Variants in MED13L observed in about 807,000 individuals in gnomAD.
MED13L encodes mediator of RNA polymerase II transcription subunit 13-like.
In MED13L, 7 loss-of-function variants were observed where a neutral mutation model predicts 220.9. The ratio of observed to expected loss-of-function variants is 0.03; its 90% CI spans 0.02 to 0.06. The LOEUF is 0.06. Ranked by LOEUF, MED13L falls within the 10% of genes least tolerant of loss-of-function variation. The probability of loss-of-function intolerance (pLI) is 1.00; values close to 1 mark genes in which losing one functional copy is unlikely to be tolerated. For missense variants in MED13L, 1,965 were observed against 2,760.5 expected, an observed-to-expected ratio of 0.71 and a Z score of 6.46; for synonymous variants, 1,011 against 1,015.2, an observed-to-expected ratio of 1.00 and a Z score of 0.08.
intron 2 of MED13L, among the ~76,000 whole-genome samples, chr12:116,218,765 GCT>G (rs1565933969): frequency 6.6e-6 from 1 of 151,044 alleles, no homozygotes; most frequent in Admixed American, 6.6e-5. Context: ...ACAAGGTCTT[GCT>G]CTGTCACCCA....
chr12:116,262,965 C>T (rs1872608961), intron 1 of MED13L, among the ~76,000 whole-genome samples: 2 of 152,178 alleles, frequency 1.3e-5, no homozygotes, highest in East Asian at 3.8e-4. Flanking sequence ...CAGATGATTA[C>T]ACTTTTCAAG....
chr12:116,107,960 C>T (rs1175061471), intron 3 of MED13L, among the ~76,000 whole-genome samples: 4 of 152,042 alleles, frequency 2.6e-5, no homozygotes, highest in Admixed American at 1.3e-4. Context: ...CATGGTGGCA[C>T]GTGCCTGTAG....
chr12:116,140,805 G>A (rs1467189010), intron 2 of MED13L, among the ~76,000 whole-genome samples: 25 of 152,140 alleles, frequency 1.6e-4, no homozygotes, highest in Admixed American at 1.6e-3. Context: ...ATTTATCTTA[G>A]GGAGGCTTCT....
intron 5 of MED13L, among the ~76,000 whole-genome samples, chr12:116,021,541 T>C (rs1880060092): frequency 6.6e-6 from 1 of 152,150 alleles, no homozygotes; most frequent in Admixed American, 6.5e-5. Flanking sequence ...TTTCATTGAA[T>C]TAAATCAGAA....
chr12:115,997,438 G>A (rs888948420), intron 14 of MED13L, among the ~76,000 whole-genome samples: 1 of 152,082 alleles, frequency 6.6e-6, no homozygotes, highest in African/African-American at 2.4e-5. Flanking sequence ...GTTTTGTTTC[G>A]TGAGACAAAG....
At chr12:116,248,517 G>C (rs1289119187) in intron 1 of MED13L, among the ~76,000 whole-genome samples, 2 of 152,066 alleles carry the variant, frequency 1.3e-5, no homozygotes, top group Admixed American at 6.6e-5. Flanking sequence ...TGAAATAAGA[G>C]TCTCAAGGAT....
intron 4 of MED13L, among the ~76,000 whole-genome samples, chr12:116,063,277 C>T (rs764664097): frequency 9.2e-5 from 14 of 152,138 alleles, no homozygotes; most frequent in Non-Finnish European, 1.6e-4. Context: ...TGTTTTGGGC[C>T]AGTGCAGAGG....
intron 2 of MED13L, among the ~76,000 whole-genome samples, chr12:116,209,942 C>A (rs561926032): frequency 6.6e-6 from 1 of 152,272 alleles, no homozygotes; most frequent in Non-Finnish European, 1.5e-5. Flanking sequence ...TTGAAATATT[C>A]TTCTAAAAGT....
intron 3 of MED13L, among the ~76,000 whole-genome samples, chr12:116,105,805 C>T (rs1873520402): frequency 1.3e-5 from 2 of 152,166 alleles, no homozygotes; most frequent in Admixed American, 1.3e-4. Context: ...CCCTTCCTGT[C>T]CCACTGATAT....
intron 4 of MED13L, among the ~76,000 whole-genome samples, chr12:116,048,404 G>C (rs1220665604): frequency 6.6e-6 from 1 of 152,150 alleles, no homozygotes; most frequent in Non-Finnish European, 1.5e-5. Flanking sequence ...CATCAAGGAA[G>C]AGCCAGGGTA....
At chr12:116,231,589 G>GA (rs1316161526) in intron 2 of MED13L, among the ~76,000 whole-genome samples, 1 of 152,110 alleles carries the variant, frequency 6.6e-6, no homozygotes, top group African/African-American at 2.4e-5. Context: ...CAGAGAGAGA[G>GA]AAAACTATAA....
At chr12:116,234,595 A>G (rs1869894180) in intron 2 of MED13L, among the ~76,000 whole-genome samples, 1 of 152,126 alleles carries the variant, frequency 6.6e-6, no homozygotes, top group Non-Finnish European at 1.5e-5. Flanking sequence ...TATTTAAAAA[A>G]TGTTACAAAT....
intron 4 of MED13L, among the ~76,000 whole-genome samples, chr12:116,066,125 A>G (rs1869904650): frequency 6.6e-6 from 1 of 152,256 alleles, no homozygotes; most frequent in Admixed American, 6.5e-5. Context: ...ATACACACAC[A>G]CACGTGTGCA....
intron 2 of MED13L, among the ~76,000 whole-genome samples, chr12:116,181,626 G>A (rs1415277682): frequency 6.6e-6 from 1 of 152,096 alleles, no homozygotes; most frequent in Non-Finnish European, 1.5e-5. Context: ...TCCTGTCTCA[G>A]CCTCCGGAGC....
At chr12:116,013,394 C>T (rs1164245627) in intron 8 of MED13L, among the ~76,000 whole-genome samples, 1 of 152,174 alleles carries the variant, frequency 6.6e-6, no homozygotes, top group Non-Finnish European at 1.5e-5. Context: ...GTTCAATGTA[C>T]ACAAACTTTG....
chr12:116,064,140 G>C (rs990970606), intron 4 of MED13L, among the ~76,000 whole-genome samples: 1 of 151,588 alleles, frequency 6.6e-6, no homozygotes, highest in Non-Finnish European at 1.5e-5. Flanking sequence ...AGTGAGCCAC[G>C]AATGTGCCAC....
chr12:116,014,600 G>A (rs1345224027), intron 8 of MED13L, among the ~76,000 whole-genome samples: 1 of 152,112 alleles, frequency 6.6e-6, no homozygotes, highest in East Asian at 1.9e-4. Flanking sequence ...GGGAAGAAAA[G>A]AACATAATTT....
chr12:116,187,859 TTTTTTC>T (rs1421759532), intron 2 of MED13L, among the ~76,000 whole-genome samples: 1 of 151,832 alleles, frequency 6.6e-6, no homozygotes, highest in East Asian at 1.9e-4. Flanking sequence ...GGGTACTGCT[TTTTTTC>T]TTTTTCTTTT....
rs1875725505 is a variant in MED13L at position 115,961,058 on chromosome 12, T to C, written c.*208A>G. ...CTGAAAGTCACCACTTATGGAAGTT[T>C]CCAGGTCCATGAGAGAAGTGTCAAG... On this transcript the variant is annotated 3_prime_UTR_variant, in exon 31 of 31. Coordinates refer to ENST00000281928, the MANE Select transcript of MED13L (RefSeq NM_015335.5). 3 of 683,694 alleles carry C rather than the reference T, an allele frequency of 4.4e-6. No homozygotes were observed. The highest frequency in any genetic ancestry group is 7.5e-6 in the Non-Finnish European group (3 of 401,872). The allele number at this position is 683,694 out of a possible 1,614,324, so 42.4% of individuals were successfully genotyped here.
Sources: allele counts gnomAD v4.1 joint callset (sites outside exome capture counted in the v4.1 genomes callset), GRCh38; gene constraint gnomAD v4.1.1; transcripts MANE v1.5; gene names NCBI Gene and HGNC (gene_info 2026-07-23, HGNC 2026-07-21).